CNTN6: variants seen among roughly 807,000 people sequenced by gnomAD.
The protein encoded by CNTN6 is contactin-6.
In CNTN6, 137 loss-of-function variants were observed where a neutral mutation model predicts 122.8. That is an observed-to-expected ratio of 1.12 (90% CI 0.97 to 1.29). The LOEUF (loss-of-function observed/expected upper bound fraction) is 1.29. Among genes scored for constraint, CNTN6 ranks in the 50% most tolerant of loss-of-function variants. CNTN6 has a pLI of 0.00. For missense variants in CNTN6, 1,634 were observed against 1,223.4 expected (o/e 1.34, Z -5.01); for synonymous variants, 570 against 426.0 (o/e 1.34, Z -4.16).
intron 7 of CNTN6, among the ~76,000 whole-genome samples, chr3:1,303,989 C>G (rs1697894049): frequency 6.6e-6 from 1 of 152,096 alleles, no homozygotes; most frequent in Admixed American, 6.6e-5. Context: ...TATTCTTTGC[C>G]CAGCCTCATG....
chr3:1,402,452 C>T lies in CNTN6; in HGVS notation c.2952C>T (p.Ser984=), dbSNP rs144353179. The part of the protein sequence containing the change: ...IRTVSDGGDG[S]SSEEIRIPKM... ...CAGTCAGTGATGGTGGAGATGGAAG[C>T]AGCAGTGAGGAAATTAGGATTCCAA... is the stretch of plus-strand genomic sequence containing the variant. The change falls in exon 22 of 23, where the codon AGC becomes AGT. Residue 984 remains serine (S), a synonymous_variant. Coordinates refer to ENST00000446702, the MANE Select transcript of CNTN6 (RefSeq NM_001289080.2). 472 of 1,610,798 alleles carry T rather than the reference C, an allele frequency of 2.9e-4. 2 individuals carry two copies. The East Asian group carries it at 5.5e-3, about 19-fold the overall frequency.
chr3:1,114,865 A>C (rs2091645561), intron 1 of CNTN6, among the ~76,000 whole-genome samples: 2 of 152,192 alleles, frequency 1.3e-5, no homozygotes, highest in African/African-American at 2.4e-5. Context: ...AAGGAGGACA[A>C]CTGGAAGAAG....
chr3:1,130,317 A>T (rs2092303580), intron 1 of CNTN6, among the ~76,000 whole-genome samples: 1 of 151,986 alleles, frequency 6.6e-6, no homozygotes, highest in African/African-American at 2.4e-5. Flanking sequence ...TGCCACTGTA[A>T]CCCTGAAAGA....
chr3:1,384,681 T>G, intron 19 of CNTN6, among the ~76,000 whole-genome samples: 1 of 117,670 alleles, frequency 8.5e-6, no homozygotes, highest in East Asian at 2.1e-4. Flanking sequence ...TATATATATA[T>G]ATATATACAC....
intron 2 of CNTN6, among the ~76,000 whole-genome samples, chr3:1,182,633 T>A (rs1481915133): frequency 6.6e-6 from 1 of 151,924 alleles, no homozygotes; most frequent in African/African-American, 2.4e-5. Flanking sequence ...GCTTCAGAAA[T>A]GTAACTCATA....
intron 1 of CNTN6, among the ~76,000 whole-genome samples, chr3:1,120,316 C>T (rs987503249): frequency 1.3e-5 from 2 of 151,912 alleles, no homozygotes; most frequent in Non-Finnish European, 2.9e-5. Flanking sequence ...ACATTCCTGC[C>T]AGCAATATAC....
At chr3:1,282,245 A>G (rs6798638) in intron 5 of CNTN6, among the ~76,000 whole-genome samples, 110,647 of 152,082 alleles carry the variant, frequency 0.73, 40,743 homozygotes, top group African/African-American at 0.84. Flanking sequence ...TGACTCCAGC[A>G]TAGGCCTTCT....
intron 2 of CNTN6, among the ~76,000 whole-genome samples, chr3:1,202,365 C>T (rs1443835121): frequency 6.6e-6 from 1 of 151,814 alleles, no homozygotes; most frequent in Non-Finnish European, 1.5e-5. Context: ...ACGGTGAAAC[C>T]GCGTCTCTAC....
intron 7 of CNTN6, among the ~76,000 whole-genome samples, chr3:1,313,551 A>G (rs1447198602): frequency 6.6e-6 from 1 of 152,086 alleles, no homozygotes; most frequent in Non-Finnish European, 1.5e-5. Flanking sequence ...GAGGTTAGGT[A>G]ACTTGTATTC....
At chr3:1,384,905 C>T (rs17029088) in intron 19 of CNTN6, among the ~76,000 whole-genome samples, 2,917 of 151,004 alleles carry the variant, frequency 0.019, 103 homozygotes, top group African/African-American at 0.067. Context: ...GCCAAGAATG[C>T]CTTACCTCTT....
At chr3:1,362,214 G>A (rs763465551) in intron 12 of CNTN6, among the ~76,000 whole-genome samples, 6 of 151,818 alleles carry the variant, frequency 4.0e-5, no homozygotes, top group South Asian at 2.1e-4. Flanking sequence ...AAATCTTCCC[G>A]GTACAAATAT....
chr3:1,173,377 C>T (rs754479004), intron 2 of CNTN6: 16 of 439,284 alleles, frequency 3.6e-5, no homozygotes, highest in East Asian at 7.0e-5. Flanking sequence ...AGCATGTGCT[C>T]GATATTGAGC....
At chr3:1,321,502 C>T (rs538017320) in intron 7 of CNTN6, 148 bp from the exon 8 acceptor site, 6 of 692,794 alleles carry the variant, frequency 8.7e-6, no homozygotes, top group African/African-American at 5.5e-5. Context: ...GAGTGAATGG[C>T]GAATGATTGC....
Position 1,347,263 on chromosome 3 carries a change from T to G in CNTN6, c.1365-5061T>G, listed in dbSNP as rs369650626. Among the ~76,000 whole-genome samples the G allele has an allele frequency of 5.3e-4, 81 of 152,254 alleles. 3 individuals carry two copies. In the South Asian group the frequency reaches 0.016, roughly 31 times the overall value. On this transcript the variant is annotated intron_variant, in intron 11 of 22. Transcript: ENST00000446702. ...ATCTACACATATAAATGCCTTTAAA[T>G]TCTAATTTTACAGAACATTTTAAAT...
chr3:1,295,737 T>C lies in CNTN6; in HGVS notation c.591T>C (p.Phe197=). 3 of 1,614,070 alleles carry C rather than the reference T, an allele frequency of 1.9e-6. No individual in the cohort carries two copies. The highest frequency in any genetic ancestry group is 1.7e-6 in the Non-Finnish European group (2 of 1,179,924). Residue 197 remains phenylalanine (F), a synonymous_variant, in exon 6 of 23, where the codon TTT becomes TTC. Transcript: ENST00000446702. Reference sequence around the variant, plus strand: ...CAGATGTGGGCAACTACACTTGCTTTATAACTAACAAAGAGGCCCAGAGAA... The same window carrying C: ...CAGATGTGGGCAACTACACTTGCTTCATAACTAACAAAGAGGCCCAGAGAA... ...EPSDVGNYTC[F]ITNKEAQRSV... is the part of the protein sequence containing the mutation.
At chr3:1,206,172 C>G (rs556661104) in intron 2 of CNTN6, among the ~76,000 whole-genome samples, 2 of 152,208 alleles carry the variant, frequency 1.3e-5, no homozygotes, top group African/African-American at 4.8e-5. Flanking sequence ...TCACATATCT[C>G]TAATCCAAAT....
rs142889494 is a variant in CNTN6 at position 1,192,698 on chromosome 3, C to CCACA, written c.56-27975_56-27972dup. Among the ~76,000 whole-genome samples, 7 of 150,692 alleles carry CCACA rather than the reference C, an allele frequency of 4.6e-5. No individual in the cohort carries two copies. In the South Asian group the frequency reaches 1.3e-3, roughly 27 times the overall value. On this transcript the variant is annotated intron_variant, in intron 2 of 22. Coordinates refer to ENST00000446702, the MANE Select transcript of CNTN6 (RefSeq NM_001289080.2). ...CCAACAACAAAGATAGCAATGACAA[C>CCACA]CACACACACACACACACCCCTGTTG...
chr3:1,098,918 C>A (rs56077574), intron 1 of CNTN6, among the ~76,000 whole-genome samples: 23,455 of 149,334 alleles, frequency 0.16, 6,012 homozygotes, highest in African/African-American at 0.53. Flanking sequence ...GATTTAACAT[C>A]TTCAGTATTC....
At chr3:1,249,725 C>A (rs923964137) in intron 4 of CNTN6, among the ~76,000 whole-genome samples, 10 of 152,132 alleles carry the variant, frequency 6.6e-5, no homozygotes, top group African/African-American at 2.2e-4. Context: ...GATTATATAA[C>A]CCTCCTGTAA....
Sources: allele counts gnomAD v4.1 joint callset (sites outside exome capture counted in the v4.1 genomes callset), GRCh38; gene constraint gnomAD v4.1.1; transcripts MANE v1.5; gene names NCBI Gene and HGNC (gene_info 2026-07-23, HGNC 2026-07-21).